The following LRBA variants were observed in gnomAD, a reference collection of about 807,000 sequenced individuals.
LRBA encodes the protein lipopolysaccharide-responsive and beige-like anchor protein.
A neutral mutation model predicts 330.0 loss-of-function variants in LRBA; 176 were observed. That is an observed-to-expected ratio of 0.53 (90% CI 0.47 to 0.60). LRBA has a LOEUF of 0.60. LRBA is among the 20% of genes least tolerant of loss of function. LRBA has a pLI of 0.00. For missense variants in LRBA, 3,259 were observed against 3,444.8 expected (o/e 0.95, Z 1.35); for synonymous variants, 1,230 against 1,193.0 (o/e 1.03, Z -0.64).
At chr4:150,875,748 A>T (rs1753954013) in intron 17 of LRBA, among the ~76,000 whole-genome samples, 1 of 152,238 alleles carries the variant, frequency 6.6e-6, no homozygotes, top group South Asian at 2.1e-4. Flanking sequence ...TCTTAAAAGC[A>T]TGAAAATTAT....
intron 36 of LRBA, among the ~76,000 whole-genome samples, chr4:150,690,495 C>T (rs1784026716): frequency 1.2e-5 from 1 of 85,760 alleles, no homozygotes; most frequent in Middle Eastern, 4.4e-3. Context: ...GAGCAAGACT[C>T]CATCTCAAAA....
chr4:150,303,632 C>T (rs554037773), intron 52 of LRBA, among the ~76,000 whole-genome samples: 6 of 151,916 alleles, frequency 3.9e-5, no homozygotes, highest in African/African-American at 7.2e-5. Flanking sequence ...AGTGTAGTGG[C>T]GCGATCTTGG....
At chr4:150,633,976 G>C (rs76992036) in intron 37 of LRBA, among the ~76,000 whole-genome samples, 1 of 152,150 alleles carries the variant, frequency 6.6e-6, no homozygotes. Flanking sequence ...TTAGTTGGGC[G>C]TGGTGGCGGG....
intron 2 of LRBA, among the ~76,000 whole-genome samples, chr4:150,969,616 C>T (rs1347776935): frequency 3.9e-5 from 6 of 152,140 alleles, no homozygotes; most frequent in Admixed American, 6.5e-5. Flanking sequence ...TACAGATGAA[C>T]GCCACAACAC....
chr4:150,881,975 A>C (rs1728444790), intron 17 of LRBA, among the ~76,000 whole-genome samples: 1 of 151,928 alleles, frequency 6.6e-6, no homozygotes, highest in African/African-American at 2.4e-5. Context: ...AATCCCAGCT[A>C]CTCTGGAGGC....
At chr4:150,764,115 CTTAG>C (rs533497087) in intron 34 of LRBA, among the ~76,000 whole-genome samples, 42 of 151,826 alleles carry the variant, frequency 2.8e-4, no homozygotes, top group East Asian at 7.7e-4. Flanking sequence ...AAAATAGAAA[CTTAG>C]TTAAAGAAGA....
intron 53 of LRBA, among the ~76,000 whole-genome samples, chr4:150,290,750 T>A (rs911604732): frequency 2.0e-5 from 3 of 152,098 alleles, no homozygotes; most frequent in Non-Finnish European, 4.4e-5. Flanking sequence ...TAAAGGAAGA[T>A]GAACAAGTCA....
At chr4:150,494,916 C>A (rs1759399709) in intron 40 of LRBA, among the ~76,000 whole-genome samples, 1 of 151,874 alleles carries the variant, frequency 6.6e-6, no homozygotes, top group South Asian at 2.1e-4. Flanking sequence ...AGGTGAATGG[C>A]ATGAACCTGG....
chr4:150,667,395 A>G (rs1246144691), intron 37 of LRBA, among the ~76,000 whole-genome samples: 1 of 152,172 alleles, frequency 6.6e-6, no homozygotes, highest in Admixed American at 6.5e-5. Context: ...GAGACTGACA[A>G]CAGAGAAGCA....
intron 53 of LRBA, among the ~76,000 whole-genome samples, chr4:150,300,809 T>C (rs779719211): frequency 6.6e-6 from 1 of 152,132 alleles, no homozygotes; most frequent in Non-Finnish European, 1.5e-5. Context: ...CTTTAAGGCA[T>C]ACTTAACTTT....
At chr4:150,449,766 A>C (rs760496215) in intron 44 of LRBA, among the ~76,000 whole-genome samples, 8 of 152,164 alleles carry the variant, frequency 5.3e-5, no homozygotes, top group Admixed American at 1.3e-4. Context: ...ACATAAGAAG[A>C]AGCATATACT....
At chr4:150,340,275 G>A (rs577716265) in intron 48 of LRBA, among the ~76,000 whole-genome samples, 25 of 151,998 alleles carry the variant, frequency 1.6e-4, no homozygotes, top group Non-Finnish European at 3.1e-4. Context: ...TTCACACTTG[G>A]TCAATTATTA....
At chr4:150,953,831 G>C (rs1490976726) in intron 2 of LRBA, among the ~76,000 whole-genome samples, 2 of 150,388 alleles carry the variant, frequency 1.3e-5, no homozygotes, top group East Asian at 4.0e-4. Context: ...CCATCATCTG[G>C]GATGTGAGGA....
At chr4:150,461,316 G>A (rs1339034959) in intron 44 of LRBA, among the ~76,000 whole-genome samples, 4 of 151,890 alleles carry the variant, frequency 2.6e-5, no homozygotes, top group East Asian at 1.9e-4. Flanking sequence ...CAAAGCTCAC[G>A]TTAAGAAATA....
intron 2 of LRBA, among the ~76,000 whole-genome samples, chr4:150,985,185 G>C (rs555224530): frequency 3.1e-4 from 47 of 151,732 alleles, no homozygotes; most frequent in South Asian, 1.3e-3. Context: ...CTTGAACCTG[G>C]GGGTGGAGGT....
chr4:150,818,945 A>C (rs886765736), intron 30 of LRBA, among the ~76,000 whole-genome samples: 11 of 152,054 alleles, frequency 7.2e-5, no homozygotes, highest in Non-Finnish European at 1.3e-4. Flanking sequence ...TCCACAAAAC[A>C]TGTATACAGT....
chr4:150,721,305 G>A (rs931395164), intron 36 of LRBA: 1 of 343,720 alleles, frequency 2.9e-6, no homozygotes, highest in Non-Finnish European at 5.6e-6. Flanking sequence ...ACCCTGGGAA[G>A]TGAAAGTACT....
chr4:150,445,790 GAGC>G (rs1199527714), intron 44 of LRBA, among the ~76,000 whole-genome samples: 3 of 151,838 alleles, frequency 2.0e-5, no homozygotes, highest in Non-Finnish European at 4.4e-5. Flanking sequence ...TCAGCCTCCT[GAGC>G]AGCTAGGACT....
intron 28 of LRBA, among the ~76,000 whole-genome samples, chr4:150,841,682 T>G (rs1749101625): frequency 6.6e-6 from 1 of 152,068 alleles, no homozygotes; most frequent in South Asian, 2.1e-4. Context: ...AGACAGAGTC[T>G]TGCTCTGTCG....
Sources: gnomAD v4.1 joint callset for allele counts (sites outside exome capture counted in the v4.1 genomes callset) on GRCh38, gnomAD v4.1.1 for gene constraint, MANE v1.5 for transcripts, NCBI Gene and HGNC (gene_info 2026-07-23, HGNC 2026-07-21) for gene names.